TRAPPC8: variants seen among roughly 807,000 people sequenced by gnomAD.
TRAPPC8 encodes the protein trafficking protein particle complex subunit 8, also known as general sporulation gene 1 homolog.
TRAPPC8 carries 54 observed loss-of-function variants against 174.3 expected under a neutral mutation model. The ratio of observed to expected loss-of-function variants is 0.31; its 90% CI spans 0.25 to 0.39. The LOEUF (loss-of-function observed/expected upper bound fraction) is 0.39, where lower values mean the gene tolerates loss of function less well. TRAPPC8 is among the 10% of genes least tolerant of loss of function. The pLI is 1.00. For missense variants in TRAPPC8, 1,531 were observed against 1,699.1 expected, an observed-to-expected ratio of 0.90 and a Z score of 1.74; for synonymous variants, 630 against 579.9, an observed-to-expected ratio of 1.09 and a Z score of -1.24.
intron 27 of TRAPPC8, among the ~76,000 whole-genome samples, chr18:31,835,931 T>C (rs1396922593): frequency 2.0e-5 from 3 of 152,194 alleles, no homozygotes; most frequent in African/African-American, 7.2e-5. Context: ...CCAAAATATA[T>C]GTGGCACAGA....
intron 5 of TRAPPC8, among the ~76,000 whole-genome samples, chr18:31,912,732 T>C (rs2036970231): frequency 6.6e-6 from 1 of 152,306 alleles, no homozygotes; most frequent in Admixed American, 6.5e-5. Context: ...GAATTGACTG[T>C]AGGCATTCAT....
intron 26 of TRAPPC8, 67 bp downstream of exon 26, chr18:31,846,649 A>AGCCAACCC: frequency 7.7e-7 from 1 of 1,303,632 alleles, no homozygotes; most frequent in Non-Finnish European, 1.1e-6. Flanking sequence ...AAAGCCAACC[A>AGCCAACCC]ACCAAACAAC....
intron 19 of TRAPPC8, among the ~76,000 whole-genome samples, chr18:31,861,958 A>T (rs1030529655): frequency 2.2e-4 from 19 of 86,342 alleles, no homozygotes; most frequent in South Asian, 4.7e-4. Context: ...GCGGTGGGGG[A>T]GGAGAGAAAA....
intron 26 of TRAPPC8, among the ~76,000 whole-genome samples, chr18:31,846,311 C>G (rs1057435187): frequency 6.6e-6 from 1 of 152,284 alleles, no homozygotes. Context: ...TGGTAGCTCA[C>G]GCCTATAATC....
chr18:31,848,737 T>C (rs2033544831), intron 25 of TRAPPC8, among the ~76,000 whole-genome samples: 1 of 152,186 alleles, frequency 6.6e-6, no homozygotes. Flanking sequence ...CAAAACCTTG[T>C]CACAAAGTTC....
chr18:31,904,162 A>T (rs369480299), intron 9 of TRAPPC8, among the ~76,000 whole-genome samples: 1 of 151,868 alleles, frequency 6.6e-6, no homozygotes, highest in African/African-American at 2.4e-5. Context: ...AGTTGAGCCC[A>T]GGAGGTGGAG....
intron 25 of TRAPPC8, among the ~76,000 whole-genome samples, chr18:31,848,839 G>C (rs1039807866): frequency 1.3e-5 from 2 of 152,078 alleles, no homozygotes; most frequent in African/African-American, 2.4e-5. Flanking sequence ...AGGGTGTAAC[G>C]TAAGAATTAA....
intron 22 of TRAPPC8, 124 bp from the exon 23 acceptor site, chr18:31,852,787 G>T: frequency 2.5e-6 from 2 of 804,052 alleles, no homozygotes; most frequent in Non-Finnish European, 4.0e-6. Context: ...AATGTTTAAT[G>T]AAGAACATCT....
chr18:31,871,168 T>A, intron 14 of TRAPPC8, 48 bp from the exon 15 acceptor site: 6 of 1,143,822 alleles, frequency 5.2e-6, no homozygotes, highest in Non-Finnish European at 7.2e-6. Context: ...TGCCCTCAAA[T>A]AAAACATATT....
At chr18:31,869,002 C>CA (rs978553382) in intron 16 of TRAPPC8, among the ~76,000 whole-genome samples, 24 of 141,386 alleles carry the variant, frequency 1.7e-4, no homozygotes, top group African/African-American at 6.2e-4. Flanking sequence ...TTCCAAAATC[C>CA]TTTTTTTTTT....
chr18:31,911,077 G>A (rs570150243), intron 5 of TRAPPC8, among the ~76,000 whole-genome samples: 1 of 152,186 alleles, frequency 6.6e-6, no homozygotes, highest in East Asian at 1.9e-4. Context: ...TTATGAGACA[G>A]AAAAATAAAG....
chr18:31,871,939 T>TAAC (rs1394026405), intron 14 of TRAPPC8, among the ~76,000 whole-genome samples: 1 of 152,206 alleles, frequency 6.6e-6, no homozygotes, highest in Non-Finnish European at 1.5e-5. Flanking sequence ...TGACAAAGTT[T>TAAC]AACAGCCATC....
rs1182425745 is a variant in TRAPPC8 at position 31,908,511 on chromosome 18, AT to A, written c.1123-94del. The A allele has an allele frequency of 4.2e-6, 4 of 953,160 alleles. No homozygotes were observed. In the East Asian group the frequency reaches 1.1e-4, roughly 27 times the overall value. The allele number at this position is 953,160 out of a possible 1,614,324, so 59.0% of individuals were successfully genotyped here. On this transcript the variant is annotated intron_variant, in intron 7 of 28. Transcript: ENST00000283351. ...TTTAACTAAAAAGCTTTAATAGCAAATGTTCATTTTAATAAAACTGATTTAA... is the reference window on the plus strand; with the variant it reads ...TTTAACTAAAAAGCTTTAATAGCAAAGTTCATTTTAATAAAACTGATTTAA...
intron 19 of TRAPPC8, among the ~76,000 whole-genome samples, chr18:31,859,720 T>C (rs988878955): frequency 2.6e-5 from 4 of 152,160 alleles, no homozygotes; most frequent in Admixed American, 2.6e-4. Flanking sequence ...AATACACTAT[T>C]TTGACTCTTT....
intron 13 of TRAPPC8, 64 bp downstream of exon 13, chr18:31,874,416 A>T (rs1195348476): frequency 6.9e-7 from 1 of 1,440,672 alleles, no homozygotes; most frequent in South Asian, 1.2e-5. Flanking sequence ...TATGGTAATA[A>T]ATAAATACTT....
At chr18:31,900,065 G>A (rs1043591930) in intron 10 of TRAPPC8, among the ~76,000 whole-genome samples, 1 of 151,440 alleles carries the variant, frequency 6.6e-6, no homozygotes, top group South Asian at 2.1e-4. Flanking sequence ...TGGTGAAATC[G>A]TCTCTACTAA....
intron 22 of TRAPPC8, among the ~76,000 whole-genome samples, chr18:31,853,512 C>T (rs2033826617): frequency 6.6e-6 from 1 of 152,162 alleles, no homozygotes; most frequent in Non-Finnish European, 1.5e-5. Flanking sequence ...AAGTGATCCG[C>T]CCATCTCAGC....
intron 13 of TRAPPC8, chr18:31,874,157 C>A: frequency 2.8e-6 from 1 of 361,730 alleles, no homozygotes. Flanking sequence ...CCACTTAAAA[C>A]CAACTGTAAA....
intron 12 of TRAPPC8, among the ~76,000 whole-genome samples, chr18:31,877,537 C>T (rs1038196826): frequency 4.6e-5 from 6 of 130,810 alleles, no homozygotes; most frequent in Admixed American, 2.6e-4. Flanking sequence ...GCATGAACCC[C>T]GGGGGGCGGA....
Sources: allele counts gnomAD v4.1 joint callset (sites outside exome capture counted in the v4.1 genomes callset), GRCh38; gene constraint gnomAD v4.1.1; transcripts MANE v1.5; gene names NCBI Gene and HGNC (gene_info 2026-07-23, HGNC 2026-07-21).